The following UBAP2 variants were observed in gnomAD, a reference collection of about 807,000 sequenced individuals.
UBAP2 encodes the protein ubiquitin-associated protein 2.
In UBAP2, 75 loss-of-function variants were observed where a neutral mutation model predicts 139.6. The ratio of observed to expected loss-of-function variants is 0.54; its 90% CI spans 0.45 to 0.65. UBAP2 has a LOEUF of 0.65. Ranked by LOEUF, UBAP2 falls within the 30% of genes least tolerant of loss-of-function variation. The pLI, the probability that UBAP2 is intolerant of heterozygous loss-of-function variation, is 0.00. For missense variants in UBAP2, 1,368 were observed against 1,369.6 expected (o/e 1.00, Z 0.02); for synonymous variants, 526 against 526.2 (o/e 1.00, Z 0.01).
chr9:34,008,272 C>T (rs1028227600), intron 2 of UBAP2, among the ~76,000 whole-genome samples: 14 of 149,774 alleles, frequency 9.3e-5, no homozygotes, highest in African/African-American at 3.2e-4. Context: ...GAGCTAAGAT[C>T]GCGCCATTGC....
At chr9:34,037,740 T>C (rs10814062) in intron 1 of UBAP2, among the ~76,000 whole-genome samples, 91,330 of 151,834 alleles carry the variant, frequency 0.6, 27,853 homozygotes, top group East Asian at 0.81. Context: ...AGGATTATCA[T>C]TCAGTAGTGT....
chr9:33,955,311 G>T (rs1826458796), intron 11 of UBAP2, among the ~76,000 whole-genome samples: 1 of 152,006 alleles, frequency 6.6e-6, no homozygotes, highest in African/African-American at 2.4e-5. Flanking sequence ...ACGAGGTCAG[G>T]ATTTCGAGAC....
At chr9:33,996,059 A>C in intron 4 of UBAP2, 164 bp downstream of exon 4, 1 of 566,924 alleles carries the variant, frequency 1.8e-6, no homozygotes, top group Non-Finnish European at 3.1e-6. Flanking sequence ...AACCATACAT[A>C]ACAAAAACAG....
At chr9:33,983,829 G>A (rs1479594664) in intron 6 of UBAP2, among the ~76,000 whole-genome samples, 1 of 152,194 alleles carries the variant, frequency 6.6e-6, no homozygotes, top group African/African-American at 2.4e-5. Flanking sequence ...GTTTCAGCTT[G>A]TGGAAGACAG....
chr9:33,926,851 T>G, intron 21 of UBAP2, 138 bp downstream of exon 21: 1 of 989,496 alleles, frequency 1.0e-6, no homozygotes, highest in Non-Finnish European at 1.6e-6. Context: ...CAGGGCTCAG[T>G]GGGGCAGAGA....
intron 2 of UBAP2, among the ~76,000 whole-genome samples, chr9:34,001,896 T>C (rs999737895): frequency 5.9e-5 from 9 of 151,794 alleles, no homozygotes; most frequent in African/African-American, 9.7e-5. Flanking sequence ...ACAAGAAAAA[T>C]TGAAAAATCC....
intron 16 of UBAP2, among the ~76,000 whole-genome samples, chr9:33,938,005 G>GT (rs1377983396): frequency 2.6e-5 from 4 of 151,838 alleles, no homozygotes; most frequent in African/African-American, 4.8e-5. Flanking sequence ...TTGTTTTTTT[G>GT]TTTTTGTTTT....
At chr9:34,007,096 TACA>T (rs1564059283) in intron 2 of UBAP2, among the ~76,000 whole-genome samples, 2 of 152,198 alleles carry the variant, frequency 1.3e-5, no homozygotes, top group African/African-American at 4.8e-5. Context: ...TTTTTCTAAA[TACA>T]ACATGTCATC....
chr9:33,962,503 A>G (rs307667), intron 9 of UBAP2, among the ~76,000 whole-genome samples: 60,347 of 151,582 alleles, frequency 0.4, 12,386 homozygotes, highest in South Asian at 0.48. Flanking sequence ...AAAATTAGCC[A>G]GGCGTGGTGG....
At chr9:33,969,155 T>C (rs307674) in intron 8 of UBAP2, among the ~76,000 whole-genome samples, 4,717 of 152,360 alleles carry the variant, frequency 0.031, 159 homozygotes, top group East Asian at 0.089. Flanking sequence ...TTTATAATGA[T>C]GAATTATGTT....
At chr9:33,926,589 T>G (rs1298643722) in intron 22 of UBAP2, 28 bp downstream of exon 22, 2 of 1,613,996 alleles carry the variant, frequency 1.2e-6, no homozygotes, top group South Asian at 2.2e-5. Context: ...CTGAACCCTC[T>G]GCTCCGACCA....
chr9:33,951,498 C>G (rs1052892709), intron 12 of UBAP2, among the ~76,000 whole-genome samples: 1 of 151,858 alleles, frequency 6.6e-6, no homozygotes. Flanking sequence ...AGGCGCCCAC[C>G]ACTACGCCTG....
intron 6 of UBAP2, among the ~76,000 whole-genome samples, chr9:33,974,530 G>A (rs758889702): frequency 1.3e-4 from 20 of 151,836 alleles, no homozygotes; most frequent in African/African-American, 3.9e-4. Flanking sequence ...AAAACACCAC[G>A]GTACCAACAG....
chr9:33,995,543 A>ATATATT (rs1822120045), intron 4 of UBAP2: 1 of 123,680 alleles, frequency 8.1e-6, no homozygotes, highest in African/African-American at 3.0e-5. Context: ...ATATTATTAA[A>ATATATT]TATATTATTA....
In UBAP2 at chr9:33,936,388, G is replaced by T. The variant is rs560856863; in HGVS notation, c.1930-510C>A. 1.9e-3 allele frequency among the ~76,000 whole-genome samples: 295 copies of T among 152,176 alleles called. 1 individual carries two copies. The highest frequency in any genetic ancestry group is 6.9e-3 in the African/African-American group (286 of 41,510). Reference sequence around the variant, plus strand: ...AGATCACTGCAAACTCCATCTCCCAGGTTCAAGTGATTCTCCTACCTCAGC... The same window carrying T: ...AGATCACTGCAAACTCCATCTCCCATGTTCAAGTGATTCTCCTACCTCAGC... On this transcript the variant is annotated intron_variant, in intron 16 of 28. Coordinates refer to ENST00000379238, the MANE Select transcript of UBAP2 (RefSeq NM_001370062.2).
In UBAP2 at chr9:33,932,129, G is replaced by A. The variant is rs1465476099; in HGVS notation, c.2175+433C>T. 4.6e-5 allele frequency among the ~76,000 whole-genome samples: 7 copies of A among 152,034 alleles called. No homozygotes were observed. The East Asian group carries it at 7.7e-4, about 17-fold the overall frequency. On this transcript the variant is annotated intron_variant, in intron 19 of 28. Transcript: ENST00000379238. ...GCATATGAGGAAAATTAAAGCTGGC[G>A]CGCCGACTCCAGCCCTCCTGCCTGG...
At chr9:33,972,101 G>C (rs1361540619) in intron 7 of UBAP2, among the ~76,000 whole-genome samples, 1 of 152,166 alleles carries the variant, frequency 6.6e-6, no homozygotes, top group Non-Finnish European at 1.5e-5. Context: ...GGCATAAATA[G>C]GCAACAGGTA....
At chr9:33,989,426 C>G (rs1192363149) in intron 4 of UBAP2, among the ~76,000 whole-genome samples, 1 of 152,176 alleles carries the variant, frequency 6.6e-6, no homozygotes, top group African/African-American at 2.4e-5. Context: ...TGGTCTCGAT[C>G]TCCTGACCTC....
intron 15 of UBAP2, 76 bp downstream of exon 15, chr9:33,943,344 C>T: frequency 2.8e-6 from 4 of 1,451,236 alleles, no homozygotes; most frequent in South Asian, 1.3e-5. Flanking sequence ...GCTATTACCA[C>T]AGGATGTATT....
Sources: allele counts gnomAD v4.1 joint callset (sites outside exome capture counted in the v4.1 genomes callset), GRCh38; gene constraint gnomAD v4.1.1; transcripts MANE v1.5; gene names NCBI Gene and HGNC (gene_info 2026-07-23, HGNC 2026-07-21).